Variants in CLEC16A observed in about 807,000 individuals in gnomAD.
CLEC16A encodes protein CLEC16A.
CLEC16A carries 51 observed loss-of-function variants against 109.5 expected under a neutral mutation model. The ratio of observed to expected loss-of-function variants is 0.47; its 90% CI spans 0.37 to 0.59. CLEC16A has a LOEUF of 0.59. Ranked by LOEUF, CLEC16A falls within the 20% of genes least tolerant of loss-of-function variation. CLEC16A has a pLI of 0.00. For synonymous variants in CLEC16A, 673 were observed against 564.2 expected, an observed-to-expected ratio of 1.19 and a Z score of -2.73; for missense variants, 1,339 against 1,394.0, an observed-to-expected ratio of 0.96 and a Z score of 0.63.
At chr16:11,157,466 T>C (rs2054577034) in intron 22 of CLEC16A, among the ~76,000 whole-genome samples, 1 of 152,204 alleles carries the variant, frequency 6.6e-6, no homozygotes, top group African/African-American at 2.4e-5. Flanking sequence ...ACTGAAACAG[T>C]AAATCATCTG....
intron 9 of CLEC16A, among the ~76,000 whole-genome samples, chr16:10,981,335 AATC>A (rs1596865259): frequency 6.6e-6 from 1 of 152,162 alleles, no homozygotes; most frequent in Non-Finnish European, 1.5e-5. Context: ...AGGTGAGAAA[AATC>A]ATCATTGCTA....
chr16:11,157,168 G>C, intron 22 of CLEC16A: 1 of 1,270,306 alleles, frequency 7.9e-7, no homozygotes, highest in Non-Finnish European at 1.0e-6. Flanking sequence ...AGCTATTTTT[G>C]TATGTTGGAC....
In CLEC16A at chr16:10,969,265, T is replaced by C. The variant is rs777454119; in HGVS notation, c.448T>C (p.Ser150Pro). The C allele has an allele frequency of 1.2e-6, 2 of 1,611,986 alleles. No homozygotes were observed. The highest frequency in any genetic ancestry group is 8.5e-7 in the Non-Finnish European group (1 of 1,178,898). ...AYYISFLKTL[S>P]LKLNNHTVHF... The stretch of plus-strand genomic sequence containing the variant: ...TTATATATCGTTCCTGAAAACACTT[T>C]CGTTAAAACTCAACAACCACACTGT... Residue 150 changes from serine to proline, a missense_variant, in exon 4 of 24, where the codon TCG becomes CCG. This residue lies in a region of CLEC16A where 161 missense variants were observed against 267.1 expected (regional missense o/e 0.60). Coordinates refer to ENST00000409790, the MANE Select transcript of CLEC16A (RefSeq NM_015226.3).
intron 10 of CLEC16A, among the ~76,000 whole-genome samples, chr16:10,983,987 C>G (rs2043477143): frequency 6.6e-6 from 1 of 151,320 alleles, no homozygotes; most frequent in African/African-American, 2.4e-5. Flanking sequence ...GGTGAGATCC[C>G]TGCCATAAGG....
At chr16:11,124,637 G>C (rs148324416) in intron 21 of CLEC16A, among the ~76,000 whole-genome samples, 12 of 152,220 alleles carry the variant, frequency 7.9e-5, no homozygotes, top group African/African-American at 2.2e-4. Flanking sequence ...TCTCCTCGGC[G>C]TGGGGGGAAG....
intron 19 of CLEC16A, among the ~76,000 whole-genome samples, chr16:11,100,991 C>A (rs1438809193): frequency 6.6e-6 from 1 of 152,142 alleles, no homozygotes; most frequent in East Asian, 1.9e-4. Flanking sequence ...TCATTTTCAG[C>A]CCTGCAGCCC....
intron 11 of CLEC16A, 101 bp downstream of exon 11, chr16:11,003,406 A>T: frequency 1.1e-6 from 1 of 874,750 alleles, no homozygotes. Flanking sequence ...TGCTCCCCAC[A>T]GTGTCCAGCC....
intron 22 of CLEC16A, among the ~76,000 whole-genome samples, chr16:11,133,422 G>A (rs2053359434): frequency 6.6e-6 from 1 of 151,988 alleles, no homozygotes. Context: ...TTTATCAAAG[G>A]CACCTAAACC....
At chr16:11,082,455 C>T (rs1244580546) in intron 19 of CLEC16A, among the ~76,000 whole-genome samples, 1 of 152,220 alleles carries the variant, frequency 6.6e-6, no homozygotes, top group Non-Finnish European at 1.5e-5. Flanking sequence ...AATCTTGATG[C>T]TGGGTGACAC....
At chr16:11,026,449 T>C (rs1018965287) in intron 13 of CLEC16A, among the ~76,000 whole-genome samples, 4 of 152,210 alleles carry the variant, frequency 2.6e-5, no homozygotes, top group African/African-American at 7.2e-5. Flanking sequence ...GCATAAACTT[T>C]ATGTTTTTCC....
chr16:11,085,706 G>A (rs1250015564), intron 19 of CLEC16A, among the ~76,000 whole-genome samples: 1 of 152,232 alleles, frequency 6.6e-6, no homozygotes, highest in Non-Finnish European at 1.5e-5. Flanking sequence ...CTGGTCCCAA[G>A]TGTTGTATGT....
intron 19 of CLEC16A, among the ~76,000 whole-genome samples, chr16:11,075,835 C>T (rs1033284046): frequency 4.6e-5 from 7 of 152,054 alleles, no homozygotes; most frequent in Non-Finnish European, 7.4e-5. Context: ...CTGTGCCTGG[C>T]GTCTTGATAG....
intron 1 of CLEC16A, among the ~76,000 whole-genome samples, chr16:10,956,850 G>A (rs2145916903): frequency 6.6e-6 from 1 of 152,322 alleles, no homozygotes; most frequent in Non-Finnish European, 1.5e-5. Context: ...AGGCTGGAGT[G>A]CAATGGTGTG....
intron 3 of CLEC16A, among the ~76,000 whole-genome samples, chr16:10,963,864 A>G (rs2042372655): frequency 6.6e-6 from 1 of 152,186 alleles, no homozygotes; most frequent in Admixed American, 6.5e-5. Context: ...GGTAGAGGGT[A>G]GGGGTGCTGC....
At chr16:11,093,424 C>G (rs2050428071) in intron 19 of CLEC16A, among the ~76,000 whole-genome samples, 1 of 152,176 alleles carries the variant, frequency 6.6e-6, no homozygotes, top group East Asian at 1.9e-4. Context: ...TCCTGTGGCA[C>G]TCAGGCAAAG....
At chr16:11,126,194 C>A in intron 22 of CLEC16A, 48 bp downstream of exon 22, 1 of 1,610,704 alleles carries the variant, frequency 6.2e-7, no homozygotes, top group Non-Finnish European at 8.5e-7. Context: ...TCATGGTGGG[C>A]GTTCAAGGTC....
Position 11,174,131 on chromosome 16 carries a change from C to T in CLEC16A, c.2807-4204C>T, listed in dbSNP as rs1391762005. 2 of 465,864 alleles carry T rather than the reference C, an allele frequency of 4.3e-6. No individual in the cohort carries two copies. Among genetic ancestry groups the T allele is most frequent in the East Asian group, 7.0e-5 (1 of 14,260 alleles). 28.9% of individuals were successfully genotyped at this position (465,864 alleles called of 1,614,324 possible). A position where few individuals can be genotyped will look rare whatever the true frequency, so the allele number is the denominator to read the frequency against. On this transcript the variant is annotated intron_variant, in intron 23 of 23. Transcript: ENST00000409790. This position sits in a 1 kb window ranked among gnomAD's most constrained non-coding sequence, Gnocchi z 4.7. Reference sequence around the variant, plus strand: ...CCCATTGTTAAAGGCTTTCTATGATCTGTCGCTGTGTTTTCCCTCTAGTCA... The same window carrying T: ...CCCATTGTTAAAGGCTTTCTATGATTTGTCGCTGTGTTTTCCCTCTAGTCA...
chr16:11,054,768 A>G (rs1014468079), intron 18 of CLEC16A, among the ~76,000 whole-genome samples: 6 of 152,194 alleles, frequency 3.9e-5, no homozygotes, highest in Non-Finnish European at 8.8e-5. Flanking sequence ...TTAGCTCTTC[A>G]AGCCCACTTC....
Position 11,178,252 on chromosome 16 carries a change from G to A in CLEC16A, c.2807-83G>A, listed in dbSNP as rs1230144362. 10 of 1,267,498 alleles carry A rather than the reference G, an allele frequency of 7.9e-6. No individual in the cohort carries two copies. Among genetic ancestry groups the A allele is most frequent in the South Asian group, 5.5e-5 (4 of 72,900 alleles). 78.5% of individuals were successfully genotyped at this position (1,267,498 alleles called of 1,614,324 possible). A position where few individuals can be genotyped will look rare whatever the true frequency, so the allele number is the denominator to read the frequency against. On this transcript the variant is annotated intron_variant, in intron 23 of 23. Transcript: ENST00000409790. This position sits in a 1 kb window ranked among gnomAD's most constrained non-coding sequence, Gnocchi z 6.5. ...CTCCCACCTAGCTCACCAGGGCCGC[G>A]GTTCAGGATGGGAGCACAGGGCGCA...
Sources: allele counts gnomAD v4.1 joint callset (sites outside exome capture counted in the v4.1 genomes callset), GRCh38; gene constraint gnomAD v4.1.1; regional missense constraint gnomAD v4.1.1; non-coding constraint Gnocchi (gnomAD v3.1); transcripts MANE v1.5; gene names NCBI Gene and HGNC (gene_info 2026-07-23, HGNC 2026-07-21).